Variants in LPP observed in about 807,000 individuals in gnomAD.
LPP encodes the protein LIM domain containing preferred translocation partner in lipoma.
LPP carries 38 observed loss-of-function variants against 60.4 expected under a neutral mutation model. The observed-to-expected ratio is 0.63, with a 90% CI of 0.49 to 0.83. LPP has a LOEUF of 0.83. Among genes scored for constraint, LPP ranks in the 40% least tolerant of loss-of-function variants. The pLI is 0.00. For missense variants in LPP, 902 were observed against 783.6 expected (o/e 1.15, Z -1.80); for synonymous variants, 328 against 290.8 (o/e 1.13, Z -1.30).
chr3:188,187,686 C>T (rs1226547841), intron 1 of LPP, among the ~76,000 whole-genome samples: 1 of 151,982 alleles, frequency 6.6e-6, no homozygotes, highest in Non-Finnish European at 1.5e-5. Context: ...CAGTTTCCCC[C>T]TCTTCCCTCC....
At chr3:188,567,526 C>T (rs1289139515) in intron 6 of LPP, among the ~76,000 whole-genome samples, 4 of 151,694 alleles carry the variant, frequency 2.6e-5, no homozygotes, top group South Asian at 2.1e-4. Context: ...TAGTCAAAGC[C>T]GTGTGTAAAG....
chr3:188,274,020 G>T (rs1199470669), intron 2 of LPP, among the ~76,000 whole-genome samples: 2 of 152,038 alleles, frequency 1.3e-5, no homozygotes, highest in Non-Finnish European at 2.9e-5. Flanking sequence ...CCCTTACATG[G>T]CTTTATGAAA....
intron 3 of LPP, among the ~76,000 whole-genome samples, chr3:188,370,426 G>C (rs955178888): frequency 2.0e-5 from 3 of 152,074 alleles, no homozygotes; most frequent in African/African-American, 7.2e-5. Context: ...TCCCAGGTGT[G>C]TTATGTTGTC....
intron 9 of LPP, among the ~76,000 whole-genome samples, chr3:188,783,415 G>A (rs1740478492): frequency 6.6e-6 from 1 of 152,164 alleles, no homozygotes; most frequent in African/African-American, 2.4e-5. Context: ...GAACATGGAT[G>A]GAGCTAGAGG....
chr3:188,523,729 A>C (rs773061173), intron 5 of LPP, among the ~76,000 whole-genome samples: 5 of 152,176 alleles, frequency 3.3e-5, no homozygotes, highest in Non-Finnish European at 7.3e-5. Context: ...GATTATTGTA[A>C]CTTTCCACTA....
chr3:188,874,340 T>A lies in LPP; in HGVS notation c.1711-11T>A. On this transcript the variant is annotated splice_polypyrimidine_tract_variant and intron_variant, in intron 11 of 11. Coordinates refer to ENST00000617246, the MANE Select transcript of LPP (RefSeq NM_001375462.1). ...TACTTATGTCGTTTCCATCTGTCTT[T>A]ACTGTTCTAGGATTGCGGTGGTCTC... 1 of 1,609,326 alleles carries A rather than the reference T, an allele frequency of 6.2e-7. No individual in the cohort carries two copies.
chr3:188,830,471 T>C (rs1018244472), intron 9 of LPP, among the ~76,000 whole-genome samples: 1 of 151,836 alleles, frequency 6.6e-6, no homozygotes, highest in African/African-American at 2.4e-5. Flanking sequence ...CCAGGTGTGG[T>C]GGCACGTGAC....
intron 4 of LPP, among the ~76,000 whole-genome samples, chr3:188,445,965 T>C (rs1795130719): frequency 6.6e-6 from 1 of 152,234 alleles, no homozygotes; most frequent in African/African-American, 2.4e-5. Flanking sequence ...TAAATTATTT[T>C]ATTTGTTTCT....
chr3:188,324,445 G>A (rs527252324), intron 2 of LPP, among the ~76,000 whole-genome samples: 5 of 152,232 alleles, frequency 3.3e-5, no homozygotes, highest in South Asian at 2.1e-4. Flanking sequence ...CCCGAAATGC[G>A]TCATCTCAAG....
At position 188,665,457 on chromosome 3, in the gene LPP, CTTCT is replaced by C. The variant is rs766395914; in HGVS notation, c.1114-42807_1114-42804del. 3.2e-3 allele frequency among the ~76,000 whole-genome samples: 278 copies of C among 87,048 alleles called. 1 individual carries two copies. Among genetic ancestry groups the C allele is most frequent in the African/African-American group, 0.011 (261 of 23,608 alleles). 57.1% of individuals were successfully genotyped at this position (87,048 alleles called of 152,430 possible). On this transcript the variant is annotated intron_variant, in intron 7 of 11. Coordinates refer to ENST00000617246, the MANE Select transcript of LPP (RefSeq NM_001375462.1). ...AGCAAACATATTCCTTCTTCTTCTT[CTTCT>C]TTTTTTTTTTTTTTTGAGATGGAGT...
At chr3:188,601,782 C>G (rs1184411359) in intron 6 of LPP, among the ~76,000 whole-genome samples, 1 of 152,068 alleles carries the variant, frequency 6.6e-6, no homozygotes, top group Non-Finnish European at 1.5e-5. Flanking sequence ...ATATATCGCA[C>G]TCTTGGCCAG....
Position 188,876,597 on chromosome 3 carries a change from G to C in LPP, c.*2118G>C, listed in dbSNP as rs948796493. On this transcript the variant is annotated 3_prime_UTR_variant, in exon 12 of 12. Transcript: ENST00000617246. ...AAGTAGCACTGACTATTTGACAATA[G>C]GGCTGATAATGTAATCGGCTTGAAT... 58 of 202,598 alleles carry C rather than the reference G, an allele frequency of 2.9e-4. No individual in the cohort carries two copies. Among genetic ancestry groups the C allele is most frequent in the African/African-American group, 1.2e-3 (54 of 43,672 alleles). The allele number at this position is 202,598 out of a possible 1,614,324, so 12.6% of individuals were successfully genotyped here.
intron 6 of LPP, among the ~76,000 whole-genome samples, chr3:188,577,256 C>T (rs546028180): frequency 6.6e-6 from 1 of 152,110 alleles, no homozygotes; most frequent in Non-Finnish European, 1.5e-5. Flanking sequence ...TGTTATTTCC[C>T]TGACAATAAC....
chr3:188,735,400 A>G (rs1722135462), intron 8 of LPP, among the ~76,000 whole-genome samples: 1 of 150,296 alleles, frequency 6.7e-6, no homozygotes, highest in Admixed American at 6.7e-5. Flanking sequence ...TTATTTTTTG[A>G]GACGAAGTCT....
At chr3:188,526,636 A>T (rs991772022) in intron 6 of LPP, among the ~76,000 whole-genome samples, 1 of 152,134 alleles carries the variant, frequency 6.6e-6, no homozygotes, top group African/African-American at 2.4e-5. Context: ...TTAACATATA[A>T]TGGAATTGTT....
chr3:188,160,940 T>G (rs951830017), intron 1 of LPP, among the ~76,000 whole-genome samples: 5 of 152,158 alleles, frequency 3.3e-5, no homozygotes, highest in African/African-American at 9.7e-5. Flanking sequence ...GACATTTGGT[T>G]GGGTTTTGAG....
chr3:188,408,605 C>A (rs1003493177), intron 4 of LPP, among the ~76,000 whole-genome samples: 1 of 152,168 alleles, frequency 6.6e-6, no homozygotes, highest in South Asian at 2.1e-4. Context: ...TCCCGAGTTT[C>A]CACATCTTAT....
At chr3:188,424,308 G>C (rs112719233) in intron 4 of LPP, among the ~76,000 whole-genome samples, 2 of 151,324 alleles carry the variant, frequency 1.3e-5, no homozygotes, top group Non-Finnish European at 3.0e-5. Flanking sequence ...TGTTTCATTG[G>C]TCTATATATC....
intron 7 of LPP, among the ~76,000 whole-genome samples, chr3:188,622,664 T>C (rs1846015315): frequency 6.6e-6 from 1 of 152,142 alleles, no homozygotes; most frequent in Non-Finnish European, 1.5e-5. Flanking sequence ...AAAATCGATA[T>C]GTATTATTGG....
Sources: allele counts gnomAD v4.1 joint callset (sites outside exome capture counted in the v4.1 genomes callset), GRCh38; gene constraint gnomAD v4.1.1; transcripts MANE v1.5; gene names NCBI Gene and HGNC (gene_info 2026-07-23, HGNC 2026-07-21).